SLC38A6: variants seen among roughly 807,000 people sequenced by gnomAD.
SLC38A6 encodes the protein N system amino acid transporter NAT-1.
A neutral mutation model predicts 65.0 loss-of-function variants in SLC38A6; 73 were observed. The ratio of observed to expected loss-of-function variants is 1.12; its 90% CI spans 0.93 to 1.37. The LOEUF (loss-of-function observed/expected upper bound fraction) is 1.37, where lower values mean the gene tolerates loss of function less well. SLC38A6 is among the 40% of genes most tolerant of loss of function. The pLI is 0.00. For missense variants in SLC38A6, 561 were observed against 531.1 expected (o/e 1.06, Z -0.55); for synonymous variants, 183 against 178.8 (o/e 1.02, Z -0.19).
At chr14:60,981,526 G>A (rs1204120662) in intron 1 of SLC38A6, 144 bp downstream of exon 1, 3 of 1,532,584 alleles carry the variant, frequency 2.0e-6, no homozygotes, top group Non-Finnish European at 1.7e-6. Context: ...TCTGAAGGCA[G>A]CCGCCGAGAT....
At chr14:61,038,237 G>A (rs1425551175) in intron 8 of SLC38A6, among the ~76,000 whole-genome samples, 2 of 151,450 alleles carry the variant, frequency 1.3e-5, no homozygotes, top group Non-Finnish European at 2.9e-5. Flanking sequence ...TTTTTAATTA[G>A]CTCATTTTTA....
At chr14:61,007,479 A>G (rs1454709466) in intron 3 of SLC38A6, among the ~76,000 whole-genome samples, 1 of 152,106 alleles carries the variant, frequency 6.6e-6, no homozygotes, top group Non-Finnish European at 1.5e-5. Flanking sequence ...AAAGTAAAAA[A>G]TGAAAAGTTA....
intron 3 of SLC38A6, among the ~76,000 whole-genome samples, chr14:60,988,897 A>G (rs1451336574): frequency 1.3e-5 from 2 of 152,236 alleles, no homozygotes; most frequent in Non-Finnish European, 2.9e-5. Context: ...GAGGAAAAGC[A>G]CAACCATGCA....
chr14:61,037,812 C>T, intron 8 of SLC38A6, 129 bp downstream of exon 8: 1 of 571,840 alleles, frequency 1.7e-6, no homozygotes, highest in Admixed American at 3.8e-5. Flanking sequence ...TTATTAAAAG[C>T]ACTTTTGTTC....
intron 1 of SLC38A6, 129 bp downstream of exon 1, chr14:60,981,511 T>C: frequency 1.3e-6 from 2 of 1,534,344 alleles, no homozygotes; most frequent in Non-Finnish European, 1.7e-6. Context: ...CCCTGGGGGA[T>C]GGGGTCTGAA....
At chr14:61,006,939 A>T (rs1203209992) in intron 3 of SLC38A6, among the ~76,000 whole-genome samples, 1 of 152,232 alleles carries the variant, frequency 6.6e-6, no homozygotes, top group Non-Finnish European at 1.5e-5. Context: ...TCCAACAATG[A>T]TAGAGTGGAT....
Position 60,981,303 on chromosome 14 carries a change from A to T in SLC38A6, c.26A>T (p.Asn9Ile), listed in dbSNP as rs141415779. Residue 9 changes from asparagine (N) to isoleucine (I), a missense_variant, in exon 1 of 16, where the codon AAC becomes ATC. By Grantham distance (149) the Asn-to-Ile change is moderately radical. Transcript: ENST00000267488. ...ATGGAGGCGTCCTGGGGGAGCTTCAACGCTGAGCGGGGCTGGTATGTCTCT... is the reference window on the plus strand; with the variant it reads ...ATGGAGGCGTCCTGGGGGAGCTTCATCGCTGAGCGGGGCTGGTATGTCTCT... The part of the protein sequence containing the change: MEASWGSF[N>I]AERGWYVSVQ... 1 of 1,609,626 alleles carries T rather than the reference A, an allele frequency of 6.2e-7. No individual in the cohort carries two copies. Among genetic ancestry groups the T allele is most frequent in the Non-Finnish European group, 8.5e-7 (1 of 1,178,260 alleles).
At chr14:61,016,155 T>G (rs757114467) in intron 4 of SLC38A6, among the ~76,000 whole-genome samples, 199 bp downstream of exon 4, 1 of 152,224 alleles carries the variant, frequency 6.6e-6, no homozygotes, top group Non-Finnish European at 1.5e-5. Flanking sequence ...TCAATACATT[T>G]AATTCAATGC....
At chr14:61,069,002 C>T (rs117854096) in intron 15 of SLC38A6, among the ~76,000 whole-genome samples, 1 of 152,178 alleles carries the variant, frequency 6.6e-6, no homozygotes, top group Non-Finnish European at 1.5e-5. Context: ...GCCTTCATCT[C>T]TTTGTGCCTG....
At chr14:61,014,342 G>A (rs1169811030) in intron 3 of SLC38A6, among the ~76,000 whole-genome samples, 1 of 152,012 alleles carries the variant, frequency 6.6e-6, no homozygotes, top group Non-Finnish European at 1.5e-5. Context: ...TCCTCCTTTA[G>A]CTTGGAGTAG....
At chr14:60,998,367 A>G (rs2038443265) in intron 3 of SLC38A6, among the ~76,000 whole-genome samples, 1 of 152,050 alleles carries the variant, frequency 6.6e-6, no homozygotes, top group Admixed American at 6.6e-5. Flanking sequence ...AGAGGAGCAC[A>G]GTAAAGGAGA....
intron 3 of SLC38A6, among the ~76,000 whole-genome samples, chr14:61,014,863 C>A (rs1257021584): frequency 6.6e-6 from 1 of 152,228 alleles, no homozygotes; most frequent in Non-Finnish European, 1.5e-5. Context: ...TCTGTCCCTT[C>A]TCAGATCTCC....
chr14:60,982,841 T>G (rs2037163428), intron 2 of SLC38A6, among the ~76,000 whole-genome samples: 1 of 152,218 alleles, frequency 6.6e-6, no homozygotes, highest in African/African-American at 2.4e-5. Flanking sequence ...GAAGTGTGAC[T>G]AGTTTTTAAA....
At chr14:61,043,693 CTTTTTTTTTTTTT>C (rs34559752) in intron 10 of SLC38A6, among the ~76,000 whole-genome samples, 190 bp downstream of exon 10, 10 of 107,326 alleles carry the variant, frequency 9.3e-5, no homozygotes, top group East Asian at 7.7e-4. Context: ...AAACAGCCAC[CTTTTTTTTTTTTT>C]TTTTTTTTTT....
chr14:61,078,626 A>G (rs2043515003), intron 15 of SLC38A6, among the ~76,000 whole-genome samples: 1 of 152,028 alleles, frequency 6.6e-6, no homozygotes, highest in Non-Finnish European at 1.5e-5. Flanking sequence ...TCTAAAAACC[A>G]CACTTGATTT....
chr14:61,019,638 A>C, intron 5 of SLC38A6, 58 bp downstream of exon 5: 1 of 1,542,132 alleles, frequency 6.5e-7, no homozygotes, highest in East Asian at 2.3e-5. Context: ...ATGTCCTTTG[A>C]ATTGTTATCT....
At chr14:61,049,279 A>G (rs2042358857) in intron 12 of SLC38A6, among the ~76,000 whole-genome samples, 1 of 152,184 alleles carries the variant, frequency 6.6e-6, no homozygotes, top group African/African-American at 2.4e-5. Flanking sequence ...TTCCAGCCCT[A>G]TCACCCACAC....
intron 3 of SLC38A6, among the ~76,000 whole-genome samples, chr14:61,011,974 G>T (rs2039606967): frequency 6.6e-6 from 1 of 152,184 alleles, no homozygotes; most frequent in African/African-American, 2.4e-5. Flanking sequence ...GCTCCTCCTT[G>T]TACCTCTGGT....
chr14:61,032,116 G>A (rs888939392), intron 6 of SLC38A6, among the ~76,000 whole-genome samples: 3 of 151,850 alleles, frequency 2.0e-5, no homozygotes, highest in African/African-American at 4.8e-5. Context: ...TATATTAAAC[G>A]TGGTGTTTCC....
Sources: allele counts gnomAD v4.1 joint callset (sites outside exome capture counted in the v4.1 genomes callset), GRCh38; gene constraint gnomAD v4.1.1; transcripts MANE v1.5; gene names NCBI Gene and HGNC (gene_info 2026-07-23, HGNC 2026-07-21).